MSRA: variants seen among roughly 807,000 people sequenced by gnomAD.
MSRA encodes methionine sulfoxide reductase A, also known as mitochondrial peptide methionine sulfoxide reductase.
Under a neutral mutation model 31.3 loss-of-function variants are expected in MSRA, and 54 were observed. The observed-to-expected ratio is 1.73, with a 90% confidence interval of 1.39 to 2.17. The LOEUF is 2.17. Among genes scored for constraint, MSRA ranks in the 30% most tolerant of loss-of-function variants. MSRA has a pLI of 0.00. For synonymous variants in MSRA, 169 were observed against 116.5 expected (o/e 1.45, Z -2.90); for missense variants, 507 against 300.9 (o/e 1.69, Z -5.07).
intron 1 of MSRA, among the ~76,000 whole-genome samples, chr8:10,080,692 AT>A (rs11296564): frequency 0.89 from 122,032 of 136,514 alleles, 55,289 homozygotes; most frequent in East Asian, 0.99. Context: ...TGCCTGGCTA[AT>A]TTTTTTTTTT....
At chr8:10,100,857 T>G (rs981104866) in intron 1 of MSRA, among the ~76,000 whole-genome samples, 2 of 152,196 alleles carry the variant, frequency 1.3e-5, no homozygotes, top group African/African-American at 4.8e-5. Flanking sequence ...CTTACACAAT[T>G]AGAATACCCC....
intron 1 of MSRA, among the ~76,000 whole-genome samples, chr8:10,183,730 C>T (rs1216107044): frequency 1.3e-5 from 2 of 150,544 alleles, no homozygotes; most frequent in South Asian, 2.1e-4. Context: ...TTTTTCTCTG[C>T]GAGCTAAAGA....
chr8:10,119,607 C>A (rs1350358975), intron 1 of MSRA, among the ~76,000 whole-genome samples: 1 of 152,124 alleles, frequency 6.6e-6, no homozygotes, highest in African/African-American at 2.4e-5. Flanking sequence ...GAAAACCATT[C>A]AAAGAAATGC....
intron 1 of MSRA, among the ~76,000 whole-genome samples, chr8:10,079,728 A>G (rs1798186351): frequency 6.6e-6 from 1 of 152,158 alleles, no homozygotes; most frequent in Non-Finnish European, 1.5e-5. Context: ...AGTCATGCCC[A>G]TAAGCCACAA....
At chr8:10,080,264 C>T (rs1048077425) in intron 1 of MSRA, among the ~76,000 whole-genome samples, 1 of 151,990 alleles carries the variant, frequency 6.6e-6, no homozygotes, top group Admixed American at 6.6e-5. Context: ...ACTTTATCCC[C>T]CTTATTAGTA....
At chr8:10,333,706 G>C (rs76833633) in intron 5 of MSRA, among the ~76,000 whole-genome samples, 1,633 of 151,750 alleles carry the variant, frequency 0.011, 25 homozygotes, top group African/African-American at 0.038. Flanking sequence ...CCATCCCCCA[G>C]GACGCTTCTC....
intron 2 of MSRA, among the ~76,000 whole-genome samples, chr8:10,219,806 C>CAAAA (rs59393980): frequency 1.1e-4 from 6 of 57,114 alleles, no homozygotes; most frequent in African/African-American, 2.7e-4. Flanking sequence ...ACTCTGTCTC[C>CAAAA]AAAAAAAAAA....
intron 5 of MSRA, among the ~76,000 whole-genome samples, chr8:10,416,696 G>C (rs529880706): frequency 3.3e-5 from 5 of 152,352 alleles, no homozygotes; most frequent in African/African-American, 1.2e-4. Context: ...ACACTTGCCT[G>C]CAAGAGCAGA....
At chr8:10,401,218 A>G (rs978405711) in intron 5 of MSRA, among the ~76,000 whole-genome samples, 4 of 152,238 alleles carry the variant, frequency 2.6e-5, no homozygotes, top group African/African-American at 9.6e-5. Context: ...CCACAAAGAA[A>G]GTAACCCCCT....
intron 5 of MSRA, among the ~76,000 whole-genome samples, chr8:10,422,257 GCCTGGGTGGCAGAGCAAGAC>G (rs1379533307): frequency 1.3e-5 from 2 of 152,164 alleles, no homozygotes; most frequent in Non-Finnish European, 2.9e-5. Context: ...GTGTACTCCA[GCCTGGGTGGCAGAGCAAGAC>G]CCTGTCTCAG....
chr8:10,094,222 T>A (rs568305714), intron 1 of MSRA, among the ~76,000 whole-genome samples: 30 of 152,360 alleles, frequency 2.0e-4, no homozygotes, highest in Non-Finnish European at 3.8e-4. Context: ...TTCAGTAATA[T>A]GTGGTTTTGT....
chr8:10,171,438 G>T (rs1309426565), intron 1 of MSRA, among the ~76,000 whole-genome samples: 2 of 151,438 alleles, frequency 1.3e-5, no homozygotes, highest in South Asian at 2.1e-4. Context: ...ATTTGTAGCA[G>T]GAATTCTGAT....
intron 2 of MSRA, among the ~76,000 whole-genome samples, chr8:10,235,149 T>A (rs752393821): frequency 2.6e-5 from 4 of 152,142 alleles, no homozygotes; most frequent in Non-Finnish European, 5.9e-5. Context: ...ATAGAATAGT[T>A]ACAAAAATTC....
intron 1 of MSRA, chr8:10,096,397 A>C: frequency 1.6e-6 from 1 of 615,428 alleles, no homozygotes; most frequent in Non-Finnish European, 2.0e-6. Flanking sequence ...GTCTATGTCT[A>C]AGAGATGTAT....
At chr8:10,379,443 G>T (rs556235437) in intron 5 of MSRA, among the ~76,000 whole-genome samples, 60 of 152,202 alleles carry the variant, frequency 3.9e-4, no homozygotes, top group Non-Finnish European at 7.1e-4. Context: ...GTCAGCAGAG[G>T]GGGAGCCCGG....
At chr8:10,306,759 G>C (rs1025202317) in intron 4 of MSRA, among the ~76,000 whole-genome samples, 1 of 152,124 alleles carries the variant, frequency 6.6e-6, no homozygotes, top group Non-Finnish European at 1.5e-5. Flanking sequence ...GGGACTCGGG[G>C]CACAGACTGA....
intron 1 of MSRA, among the ~76,000 whole-genome samples, chr8:10,187,008 A>G (rs897223495): frequency 6.6e-6 from 1 of 152,152 alleles, no homozygotes; most frequent in African/African-American, 2.4e-5. Flanking sequence ...TTGTTTCTGT[A>G]CAATTTCATG....
intron 3 of MSRA, among the ~76,000 whole-genome samples, chr8:10,260,579 A>G (rs902411002): frequency 6.6e-6 from 1 of 152,194 alleles, no homozygotes; most frequent in African/African-American, 2.4e-5. Context: ...AGGGACCACA[A>G]ATGCCTGCTA....
At chr8:10,289,839 A>G (rs1800137444) in intron 3 of MSRA, among the ~76,000 whole-genome samples, 4 of 152,228 alleles carry the variant, frequency 2.6e-5, no homozygotes, top group Admixed American at 6.5e-5. Context: ...TTGTACTAAC[A>G]TAGATCCTAA....
Sources: gnomAD v4.1 joint callset for allele counts (sites outside exome capture counted in the v4.1 genomes callset) on GRCh38, gnomAD v4.1.1 for gene constraint, MANE v1.5 for transcripts, NCBI Gene and HGNC (gene_info 2026-07-23, HGNC 2026-07-21) for gene names.